Variants in HOXC4 observed in about 807,000 individuals in gnomAD.
HOXC4 encodes the protein homeobox C4.
A neutral mutation model predicts 25.5 loss-of-function variants in HOXC4; 15 were observed. The observed-to-expected ratio is 0.59, with a 90% CI of 0.39 to 0.91. The LOEUF is 0.91. Ranked by LOEUF, HOXC4 falls within the 40% of genes least tolerant of loss-of-function variation. HOXC4 has a pLI of 0.00. For missense variants in HOXC4, 342 were observed against 352.4 expected, an observed-to-expected ratio of 0.97 and a Z score of 0.24; for synonymous variants, 165 against 148.0, an observed-to-expected ratio of 1.11 and a Z score of -0.83.
At position 54,054,233 on chromosome 12, in the gene HOXC4, C is replaced by T; in HGVS notation, c.311C>T (p.Ser104Leu). The T allele has an allele frequency of 6.2e-7, 1 of 1,611,644 alleles. No individual in the cohort carries two copies. Among genetic ancestry groups the T allele is most frequent in the Non-Finnish European group, 8.5e-7 (1 of 1,178,880 alleles). The change falls in exon 1 of 2, where the codon TCA (serine) becomes TTA (leucine). Residue 104 changes from serine to leucine, a missense_variant. Ser to Leu is a moderately radical substitution (Grantham distance 145). Coordinates refer to ENST00000430889, the MANE Select transcript of HOXC4 (RefSeq NM_153633.3). ...TCGCTCTGCGAGCCGGCGCCTCTCTCAGGCGCCTCCGCCTCCCCGTCCCCA... is the reference window on the plus strand; with the variant it reads ...TCGCTCTGCGAGCCGGCGCCTCTCTTAGGCGCCTCCGCCTCCCCGTCCCCA... Reference protein sequence around the residue: ...SQSLCEPAPLSGASASPSPAP... With the variant: ...SQSLCEPAPLLGASASPSPAP...
chr12:54,037,078 G>T (rs1332065367), intron 1 of HOXC4, among the ~76,000 whole-genome samples: 2 of 152,228 alleles, frequency 1.3e-5, no homozygotes, highest in East Asian at 1.9e-4. Context: ...GGTAGACACA[G>T]AGTGCCTGCC....
chr12:54,045,056 C>G (rs552766937), intron 1 of HOXC4, among the ~76,000 whole-genome samples: 1 of 152,228 alleles, frequency 6.6e-6, no homozygotes, highest in African/African-American at 2.4e-5. Context: ...TCCGGGCCCT[C>G]TTAGCACTTG....
At chr12:54,034,399 G>C (rs1941123129) in intron 1 of HOXC4, 1 of 1,614,028 alleles carries the variant, frequency 6.2e-7, no homozygotes, top group South Asian at 1.1e-5. Flanking sequence ...CCAACAACTT[G>C]TGTCTCAATG....
chr12:54,034,479 A>C, intron 1 of HOXC4: 2 of 1,614,000 alleles, frequency 1.2e-6, no homozygotes, highest in Non-Finnish European at 1.7e-6. Context: ...ATGAAAAGCA[A>C]AGAGGCTCTT....
rs767761674 is a variant in HOXC4, at chr12:54,054,851, G to A, written c.441G>A (p.Val147=). 1 of 1,600,686 alleles carries A rather than the reference G, an allele frequency of 6.2e-7. No homozygotes were observed. The change falls in exon 2 of 2, where the codon GTG becomes GTA. Residue 147 remains valine (V), a splice_region_variant and synonymous_variant. Coordinates refer to ENST00000430889, the MANE Select transcript of HOXC4 (RefSeq NM_153633.3). ...TATTTGCTTTTCCCCTCCCCCCAGTGAACCCCAATTATAACGGAGGGGAAC... is the reference window on the plus strand; with the variant it reads ...TATTTGCTTTTCCCCTCCCCCCAGTAAACCCCAATTATAACGGAGGGGAAC... ...PWMKKIHVST[V]NPNYNGGEPK...
intron 1 of HOXC4, among the ~76,000 whole-genome samples, chr12:54,018,060 A>G (rs1940240255): frequency 6.6e-6 from 1 of 152,038 alleles, no homozygotes; most frequent in Non-Finnish European, 1.5e-5. Context: ...GGTGCGCGTC[A>G]GCCGAGAGGA....
At chr12:54,027,187 T>C (rs1940757050) in intron 1 of HOXC4, among the ~76,000 whole-genome samples, 1 of 152,246 alleles carries the variant, frequency 6.6e-6, no homozygotes, top group Non-Finnish European at 1.5e-5. Flanking sequence ...CTTCCCTTTT[T>C]TTAGCCCCAA....
chr12:54,054,922 T>C lies in HOXC4; in HGVS notation c.512T>C (p.Leu171Ser). ...TAYTRQQVLELEKEFHYNRYL... is the reference protein window; with the variant it reads ...TAYTRQQVLESEKEFHYNRYL... ...TATACCCGGCAGCAAGTCCTGGAATTAGAGAAAGAGTTTCATTACAACCGC... is the reference window on the plus strand; with the variant it reads ...TATACCCGGCAGCAAGTCCTGGAATCAGAGAAAGAGTTTCATTACAACCGC... Residue 171 changes from leucine (L) to serine (S), a missense_variant, in exon 2 of 2, where the codon TTA becomes TCA. Transcript: ENST00000430889. 6.2e-7 allele frequency: 1 copy of C among 1,613,716 alleles called. No homozygotes were observed. The highest frequency in any genetic ancestry group is 1.1e-5 in the South Asian group (1 of 91,048).
At position 54,021,860 on chromosome 12, in the gene HOXC4, G is replaced by A. The variant is rs1940463807; in HGVS notation, c.-124+4446G>A. The stretch of plus-strand genomic sequence containing the variant: ...TGCGTCAGAAACCCGCCAAACCAGC[G>A]AACTCGCCCAGGAGAACAAAGTGCT... On this transcript the variant is annotated intron_variant, in intron 1 of 3. Coordinates refer to the HOXC4 transcript ENST00000303406. 3 of 152,332 alleles carry A rather than the reference G, an allele frequency of 2.0e-5. No homozygotes were observed. The South Asian group carries it at 6.2e-4, about 32-fold the overall frequency. 9.4% of individuals were successfully genotyped at this position (152,332 alleles called of 1,614,324 possible). A position where few individuals can be genotyped will look rare whatever the true frequency, so the allele number is the denominator to read the frequency against.
intron 1 of HOXC4, chr12:54,034,450 G>C (rs771739274): frequency 1.2e-6 from 2 of 1,614,278 alleles, no homozygotes; most frequent in African/African-American, 2.7e-5. Flanking sequence ...GCAGGATGAA[G>C]TGGAAGAAAG....
At chr12:54,023,063 C>T (rs1236604601) in intron 1 of HOXC4, among the ~76,000 whole-genome samples, 1 of 152,170 alleles carries the variant, frequency 6.6e-6, no homozygotes, top group South Asian at 2.1e-4. Context: ...CCTCAAGTGT[C>T]CCTAGGCATC....
At chr12:54,024,204 A>G (rs1431908785) in intron 1 of HOXC4, among the ~76,000 whole-genome samples, 2 of 151,872 alleles carry the variant, frequency 1.3e-5, no homozygotes, top group Non-Finnish European at 2.9e-5. Flanking sequence ...CAGCGGGGCA[A>G]CCGTTCTTCT....
At chr12:54,039,907 G>C (rs1271675664) in intron 1 of HOXC4, among the ~76,000 whole-genome samples, 3 of 151,646 alleles carry the variant, frequency 2.0e-5, no homozygotes, top group African/African-American at 7.3e-5. Context: ...GGCATTCGAG[G>C]GTGTTTAAAG....
intron 1 of HOXC4, among the ~76,000 whole-genome samples, chr12:54,019,275 T>TC (rs1315891608): frequency 6.8e-6 from 1 of 147,798 alleles, no homozygotes; most frequent in Non-Finnish European, 1.5e-5. Flanking sequence ...CGCTTGGCTC[T>TC]CCCCAAATGG....
At position 54,054,225 on chromosome 12, in the gene HOXC4, G is replaced by C. The variant is rs774331291; in HGVS notation, c.303G>C (p.Ala101=). 6.2e-7 allele frequency: 1 copy of C among 1,611,498 alleles called. No homozygotes were observed. The highest frequency in any genetic ancestry group is 1.1e-5 in the South Asian group (1 of 90,928). Residue 101 remains alanine (A), a synonymous_variant, in exon 1 of 2, where the codon GCG becomes GCC. Coordinates refer to ENST00000430889, the MANE Select transcript of HOXC4 (RefSeq NM_153633.3). The stretch of plus-strand genomic sequence containing the variant: ...AATCACAGTCGCTCTGCGAGCCGGC[G>C]CCTCTCTCAGGCGCCTCCGCCTCCC... ...PEKSQSLCEP[A]PLSGASASPS...
chr12:54,037,214 G>A (rs1426001738), intron 1 of HOXC4, among the ~76,000 whole-genome samples: 1 of 152,222 alleles, frequency 6.6e-6, no homozygotes, highest in Admixed American at 6.5e-5. Flanking sequence ...CTACGCTGAG[G>A]GTGCATAAGG....
At chr12:54,054,791 TG>T (rs144938914) in intron 1 of HOXC4, 58 bp from the exon 2 acceptor site, 246,953 of 1,113,586 alleles carry the variant, frequency 0.22, 29,297 homozygotes, top group Non-Finnish European at 0.24. Flanking sequence ...GGGGTGAGGG[TG>T]GGGGGCGGGG....
intron 1 of HOXC4, chr12:54,033,815 G>T: frequency 1.8e-6 from 1 of 568,028 alleles, no homozygotes; most frequent in South Asian, 2.2e-5. Context: ...GGAGAGGGAG[G>T]GAGTTAAAAA....
intron 1 of HOXC4, chr12:54,034,361 C>G (rs764070592): frequency 6.2e-7 from 1 of 1,614,230 alleles, no homozygotes; most frequent in South Asian, 1.1e-5. Flanking sequence ...TAACCGCTAC[C>G]TCACTCGCCG....
Sources: gnomAD v4.1 joint callset for allele counts (sites outside exome capture counted in the v4.1 genomes callset) on GRCh38, gnomAD v4.1.1 for gene constraint, MANE v1.5 for transcripts, NCBI Gene and HGNC (gene_info 2026-07-23, HGNC 2026-07-21) for gene names.